Variants in LINGO2 observed in about 807,000 individuals in gnomAD.
The protein encoded by LINGO2 is leucine-rich repeat and immunoglobulin-like domain-containing nogo receptor-interacting protein 2.
LINGO2 carries 14 observed loss-of-function variants against 30.6 expected under a neutral mutation model. The observed-to-expected ratio is 0.46, with a 90% CI of 0.30 to 0.72. The LOEUF (loss-of-function observed/expected upper bound fraction) is 0.72, where lower values mean the gene tolerates loss of function less well. LINGO2 is among the 30% of genes least tolerant of loss of function. The pLI is 0.07. For synonymous variants in LINGO2, 317 were observed against 288.5 expected (o/e 1.10, Z -1.00); for missense variants, 729 against 751.7 (o/e 0.97, Z 0.35).
chr9:29,028,318 G>A, the LINGO2 span, among the ~76,000 whole-genome samples: 3 of 151,634 alleles, frequency 2.0e-5, no homozygotes, highest in East Asian at 2.0e-4. Context: ...AAGTAAAAAG[G>A]TGGAATATTG....
At chr9:29,162,150 C>T in the LINGO2 span, among the ~76,000 whole-genome samples, 1 of 152,072 alleles carries the variant, frequency 6.6e-6, no homozygotes, top group African/African-American at 2.4e-5. Flanking sequence ...GAACTCCTGG[C>T]CTCAAGTGAT....
chr9:28,975,558 C>G, the LINGO2 span, among the ~76,000 whole-genome samples: 4 of 152,142 alleles, frequency 2.6e-5, no homozygotes, highest in Non-Finnish European at 5.9e-5. Context: ...GTAGAAACAG[C>G]CATGTTATGC....
the LINGO2 span, among the ~76,000 whole-genome samples, chr9:28,929,527 C>T: frequency 6.6e-6 from 1 of 152,112 alleles, no homozygotes; most frequent in Non-Finnish European, 1.5e-5. Context: ...GGAACTGAGG[C>T]CTGGACATAT....
At chr9:29,006,421 T>C in the LINGO2 span, among the ~76,000 whole-genome samples, 1 of 151,968 alleles carries the variant, frequency 6.6e-6, no homozygotes, top group Non-Finnish European at 1.5e-5. Context: ...AATTCATGCA[T>C]CTCTTTAATT....
At chr9:27,947,802 C>A (rs1052381478), downstream of LINGO2, among the ~76,000 whole-genome samples, 3 of 152,194 alleles carry the variant, frequency 2.0e-5, no homozygotes, top group Admixed American at 1.3e-4. Flanking sequence ...ATTCAGAGAG[C>A]TTTTGAACAT....
the LINGO2 span, among the ~76,000 whole-genome samples, chr9:29,094,601 C>A: frequency 8.9e-3 from 1,232 of 138,578 alleles, 234 homozygotes; most frequent in African/African-American, 0.032. Flanking sequence ...CTGTTAATTA[C>A]TTGAAGTATG....
chr9:28,380,417 TC>T (rs1159481200), intron 2 of LINGO2, among the ~76,000 whole-genome samples: 9 of 145,870 alleles, frequency 6.2e-5, no homozygotes, highest in Non-Finnish European at 1.2e-4. Context: ...ATGGTAAGAG[TC>T]TTTAAAATAC....
the LINGO2 span, among the ~76,000 whole-genome samples, chr9:28,743,407 T>G: frequency 1.3e-5 from 2 of 151,818 alleles, no homozygotes; most frequent in African/African-American, 4.8e-5. Flanking sequence ...ATTGTTCAAC[T>G]CATACTTATG....
At chr9:28,534,927 T>G (rs1319476557) in intron 1 of LINGO2, among the ~76,000 whole-genome samples, 1 of 152,088 alleles carries the variant, frequency 6.6e-6, no homozygotes, top group Admixed American at 6.6e-5. Flanking sequence ...AAATAAGAAA[T>G]TTGTTTGTAT....
intron 1 of LINGO2, among the ~76,000 whole-genome samples, chr9:28,581,236 T>C (rs1299567221): frequency 2.6e-4 from 40 of 151,952 alleles, no homozygotes; most frequent in Non-Finnish European, 8.8e-5. Flanking sequence ...TGTGCATTTG[T>C]GTGCCTCTGT....
At chr9:28,632,879 TGTAG>T (rs1324100990) in intron 1 of LINGO2, among the ~76,000 whole-genome samples, 6,605 of 80,568 alleles carry the variant, frequency 0.082, 254 homozygotes, top group African/African-American at 0.1. Flanking sequence ...TATATATATA[TGTAG>T]AGAGAGAGAG....
chr9:29,157,997 G>T, the LINGO2 span, among the ~76,000 whole-genome samples: 1 of 152,054 alleles, frequency 6.6e-6, no homozygotes, highest in Non-Finnish European at 1.5e-5. Context: ...ACATGATTCA[G>T]ATGCAACTTT....
At chr9:28,220,567 G>A (rs1181852731) in intron 4 of LINGO2, among the ~76,000 whole-genome samples, 1 of 152,172 alleles carries the variant, frequency 6.6e-6, no homozygotes, top group Admixed American at 6.5e-5. Context: ...CTTAAAAAGA[G>A]TTGAACTTTT....
chr9:28,021,895 G>A (rs554777292), intron 4 of LINGO2, among the ~76,000 whole-genome samples: 5 of 152,068 alleles, frequency 3.3e-5, no homozygotes, highest in African/African-American at 9.6e-5. Flanking sequence ...ATGACATGGA[G>A]TTGTGTTTTG....
intron 4 of LINGO2, among the ~76,000 whole-genome samples, chr9:28,132,407 A>G (rs1827403021): frequency 6.6e-6 from 1 of 152,152 alleles, no homozygotes; most frequent in Non-Finnish European, 1.5e-5. Flanking sequence ...TCCCAACTCA[A>G]TTGCATCTGC....
intron 1 of LINGO2, among the ~76,000 whole-genome samples, chr9:28,547,778 G>A (rs1822027383): frequency 6.6e-6 from 1 of 152,066 alleles, no homozygotes; most frequent in Admixed American, 6.6e-5. Flanking sequence ...GTAAACTTGA[G>A]AATGACAAAA....
chr9:28,363,689 G>GA (rs374625562), intron 3 of LINGO2, among the ~76,000 whole-genome samples: 34 of 146,224 alleles, frequency 2.3e-4, no homozygotes, highest in East Asian at 9.9e-4. Flanking sequence ...ATGTTCACTT[G>GA]AAAAAAAAAA....
the LINGO2 span, among the ~76,000 whole-genome samples, chr9:28,731,026 T>C: frequency 6.6e-6 from 1 of 152,196 alleles, no homozygotes; most frequent in East Asian, 1.9e-4. Flanking sequence ...GTTTCACTCT[T>C]ATTGCCCAGG....
At chr9:28,180,815 A>T (rs1828890331) in intron 4 of LINGO2, among the ~76,000 whole-genome samples, 1 of 152,230 alleles carries the variant, frequency 6.6e-6, no homozygotes, top group African/African-American at 2.4e-5. Flanking sequence ...CACATACATC[A>T]AACATTCACA....
Sources: gnomAD v4.1 joint callset for allele counts (sites outside exome capture counted in the v4.1 genomes callset) on GRCh38, gnomAD v4.1.1 for gene constraint, MANE v1.5 for transcripts, NCBI Gene and HGNC (gene_info 2026-07-23, HGNC 2026-07-21) for gene names.